Variants in ADAM12 observed in about 807,000 individuals in gnomAD.
ADAM12 encodes the protein disintegrin and metalloproteinase domain-containing protein 12.
ADAM12 carries 70 observed loss-of-function variants against 106.4 expected under a neutral mutation model. That is an observed-to-expected ratio of 0.66 (90% CI 0.54 to 0.80). ADAM12 has a LOEUF of 0.80. ADAM12 is among the 30% of genes least tolerant of loss of function. The pLI is 0.00. For synonymous variants in ADAM12, 420 were observed against 433.5 expected (o/e 0.97, Z 0.39); for missense variants, 1,010 against 1,171.9 (o/e 0.86, Z 2.02).
At chr10:126,196,968 G>T (rs1441495070) in intron 3 of ADAM12, among the ~76,000 whole-genome samples, 1 of 152,206 alleles carries the variant, frequency 6.6e-6, no homozygotes, top group African/African-American at 2.4e-5. Context: ...TAGGGCAGGG[G>T]ATCTAGGGTA....
At chr10:126,315,069 C>G (rs991862169) in intron 2 of ADAM12, among the ~76,000 whole-genome samples, 1 of 152,184 alleles carries the variant, frequency 6.6e-6, no homozygotes, top group South Asian at 2.1e-4. Flanking sequence ...CAGTTAAACT[C>G]ATTTGCCGTC....
intron 4 of ADAM12, among the ~76,000 whole-genome samples, chr10:126,143,167 T>G (rs1956549961): frequency 1.3e-5 from 2 of 151,166 alleles, no homozygotes; most frequent in Non-Finnish European, 2.9e-5. Context: ...CGTGTATATA[T>G]ATGTATGTGT....
intron 1 of ADAM12, among the ~76,000 whole-genome samples, chr10:126,354,868 C>A (rs1158450128): frequency 6.6e-6 from 1 of 151,622 alleles, no homozygotes; most frequent in African/African-American, 2.4e-5. Flanking sequence ...AATCTGTACT[C>A]ATTTTATGTT....
intron 2 of ADAM12, among the ~76,000 whole-genome samples, chr10:126,287,279 G>T (rs1217904057): frequency 6.6e-6 from 1 of 152,164 alleles, no homozygotes; most frequent in Non-Finnish European, 1.5e-5. Context: ...TTCTGAAGCA[G>T]ACGACATTAC....
chr10:126,051,576 T>G (rs868054060), intron 14 of ADAM12, among the ~76,000 whole-genome samples: 3,373 of 84,408 alleles, frequency 0.04, 110 homozygotes, highest in East Asian at 0.14. Flanking sequence ...CATCCATCCA[T>G]CCATCCATCC....
At chr10:126,386,820 G>A (rs2133944199) in intron 1 of ADAM12, among the ~76,000 whole-genome samples, 1 of 152,292 alleles carries the variant, frequency 6.6e-6, no homozygotes, top group Admixed American at 6.5e-5. Flanking sequence ...GGACCAATTT[G>A]TTTAAAAGTC....
intron 3 of ADAM12, among the ~76,000 whole-genome samples, chr10:126,199,207 T>A (rs770270871): frequency 1.3e-5 from 2 of 152,182 alleles, no homozygotes; most frequent in Non-Finnish European, 2.9e-5. Context: ...ATCTAGATGA[T>A]TCAGTAAAGT....
At chr10:126,042,370 T>C in intron 18 of ADAM12, 2 of 1,197,568 alleles carry the variant, frequency 1.7e-6, no homozygotes, top group East Asian at 2.6e-5. Context: ...CAAGCACAGC[T>C]GCTACTAAGA....
At chr10:126,369,678 C>T (rs1856043787) in intron 1 of ADAM12, among the ~76,000 whole-genome samples, 1 of 152,192 alleles carries the variant, frequency 6.6e-6, no homozygotes, top group Non-Finnish European at 1.5e-5. Context: ...AGGACTTGTA[C>T]ATAGTGAGTG....
chr10:126,386,619 A>C (rs1187007755), intron 1 of ADAM12, among the ~76,000 whole-genome samples: 4 of 152,146 alleles, frequency 2.6e-5, no homozygotes, highest in African/African-American at 7.2e-5. Context: ...TCCCCCGCCC[A>C]CACACACAAG....
chr10:126,384,524 G>A (rs1265340199), intron 1 of ADAM12, among the ~76,000 whole-genome samples: 3 of 152,082 alleles, frequency 2.0e-5, no homozygotes, highest in South Asian at 4.1e-4. Flanking sequence ...TGTAATGTAT[G>A]CCTAAAAAGT....
chr10:126,132,313 A>C (rs1204785932), intron 5 of ADAM12, among the ~76,000 whole-genome samples: 1 of 152,168 alleles, frequency 6.6e-6, no homozygotes, highest in Non-Finnish European at 1.5e-5. Context: ...CTTAATGCCA[A>C]ATTGAAGGCT....
At chr10:126,319,628 G>A (rs1423195652) in intron 2 of ADAM12, among the ~76,000 whole-genome samples, 1 of 152,086 alleles carries the variant, frequency 6.6e-6, no homozygotes, top group Non-Finnish European at 1.5e-5. Flanking sequence ...ACGATATAAT[G>A]TGAGGTCCCA....
At chr10:126,356,953 A>G (rs540675513) in intron 1 of ADAM12, among the ~76,000 whole-genome samples, 11 of 152,260 alleles carry the variant, frequency 7.2e-5, no homozygotes, top group Non-Finnish European at 1.3e-4. Flanking sequence ...AAGGAAGCCA[A>G]TGGGAATTAT....
chr10:126,123,010 T>A (rs756245966), intron 5 of ADAM12, among the ~76,000 whole-genome samples: 27 of 152,218 alleles, frequency 1.8e-4, no homozygotes, highest in Non-Finnish European at 2.8e-4. Context: ...GTAAAAATAT[T>A]CTCTTATCTT....
intron 3 of ADAM12, among the ~76,000 whole-genome samples, chr10:126,195,286 A>C (rs570086269): frequency 2.6e-4 from 40 of 152,324 alleles, no homozygotes; most frequent in Non-Finnish European, 4.9e-4. Context: ...GAAATAATAC[A>C]TATGTTGGTC....
chr10:126,054,983 A>G (rs1349678986), intron 14 of ADAM12, among the ~76,000 whole-genome samples: 1 of 152,136 alleles, frequency 6.6e-6, no homozygotes, highest in East Asian at 1.9e-4. Flanking sequence ...CTCACACTTC[A>G]TGGTCTCCAG....
Position 126,066,928 on chromosome 10 carries a change from C to T in ADAM12, c.1324-122G>A. On this transcript the variant is annotated intron_variant, in intron 12 of 22. Transcript: ENST00000448723. This position sits in a 1 kb window ranked among gnomAD's most constrained non-coding sequence, Gnocchi z 5.1. ...AGACCAAGAGGGCCCAGCTCCTGAA[C>T]TGCACACCTGCCTGTTTCCGTCTGT... The T allele has an allele frequency of 1.2e-6, 1 of 860,694 alleles. No homozygotes were observed. The highest frequency in any genetic ancestry group is 2.7e-5 in the East Asian group (1 of 37,100). 53.3% of individuals were successfully genotyped at this position (860,694 alleles called of 1,614,324 possible).
At chr10:126,349,875 A>G (rs76295730) in intron 1 of ADAM12, among the ~76,000 whole-genome samples, 1,860 of 152,350 alleles carry the variant, frequency 0.012, 16 homozygotes, top group Non-Finnish European at 0.019. Context: ...GGGCAGAATC[A>G]CACAGGTATG....
Sources: gnomAD v4.1 joint callset for allele counts (sites outside exome capture counted in the v4.1 genomes callset) on GRCh38, gnomAD v4.1.1 for gene constraint, Gnocchi (gnomAD v3.1) non-coding constraint, MANE v1.5 for transcripts, NCBI Gene and HGNC (gene_info 2026-07-23, HGNC 2026-07-21) for gene names.